The following RBFOX1 variants were observed in gnomAD, a reference collection of about 807,000 sequenced individuals.
The protein encoded by RBFOX1 is RNA binding protein fox-1 homolog 1.
In RBFOX1, 8 loss-of-function variants were observed where a neutral mutation model predicts 57.7. That is an observed-to-expected ratio of 0.14 (90% CI 0.08 to 0.25). RBFOX1 has a LOEUF of 0.25. Ranked by LOEUF, RBFOX1 falls within the 10% of genes least tolerant of loss-of-function variation. RBFOX1 has a pLI of 1.00. For synonymous variants in RBFOX1, 326 were observed against 222.4 expected (o/e 1.47, Z -4.15); for missense variants, 611 against 548.5 (o/e 1.11, Z -1.14).
intron 1 of RBFOX1, among the ~76,000 whole-genome samples, chr16:5,288,197 G>C (rs1162762344): frequency 3.3e-5 from 5 of 152,210 alleles, no homozygotes; most frequent in African/African-American, 4.8e-5. Flanking sequence ...AAGCAAATCA[G>C]TTGTAGATTT....
intron 1 of RBFOX1, among the ~76,000 whole-genome samples, chr16:6,255,023 A>G (rs1211394947): frequency 1.3e-5 from 2 of 151,130 alleles, no homozygotes; most frequent in African/African-American, 2.4e-5. Flanking sequence ...TCTTCCTTCC[A>G]TCTCTCCCAC....
At chr16:5,261,811 A>G (rs140343310) in intron 1 of RBFOX1, among the ~76,000 whole-genome samples, 1,547 of 152,250 alleles carry the variant, frequency 0.01, 20 homozygotes, top group African/African-American at 0.028. Flanking sequence ...GGGCCTCCCA[A>G]AATGCTGGGA....
chr16:6,257,563 C>A (rs980253814), intron 1 of RBFOX1, among the ~76,000 whole-genome samples: 1 of 152,128 alleles, frequency 6.6e-6, no homozygotes, highest in African/African-American at 2.4e-5. Flanking sequence ...TCCTGATCCT[C>A]TCCCACTTCC....
intron 4 of RBFOX1, among the ~76,000 whole-genome samples, chr16:7,243,627 A>G: frequency 6.6e-6 from 1 of 152,132 alleles, no homozygotes; most frequent in Non-Finnish European, 1.5e-5. Flanking sequence ...AGCTCACTAT[A>G]GCCTCAAATT....
chr16:7,132,514 G>A (rs992285666), intron 4 of RBFOX1, among the ~76,000 whole-genome samples: 1 of 147,200 alleles, frequency 6.8e-6, no homozygotes, highest in Non-Finnish European at 1.5e-5. Flanking sequence ...TAAGACAAAT[G>A]TATTCAGGTA....
chr16:6,782,513 G>A (rs998744612), intron 3 of RBFOX1, among the ~76,000 whole-genome samples: 2 of 151,954 alleles, frequency 1.3e-5, no homozygotes, highest in African/African-American at 4.8e-5. Flanking sequence ...AATCTTGGTA[G>A]GAATTTTATG....
intron 3 of RBFOX1, among the ~76,000 whole-genome samples, chr16:6,920,198 G>T (rs1173694662): frequency 6.6e-6 from 1 of 152,074 alleles, no homozygotes; most frequent in African/African-American, 2.4e-5. Flanking sequence ...ATTGAGTTTG[G>T]TTCCTTATTT....
intron 9 of RBFOX1, among the ~76,000 whole-genome samples, chr16:7,601,934 C>A (rs892338981): frequency 6.6e-6 from 1 of 152,162 alleles, no homozygotes; most frequent in South Asian, 2.1e-4. Flanking sequence ...GCGAACCTCA[C>A]TTCTTTTTGT....
intron 4 of RBFOX1, among the ~76,000 whole-genome samples, chr16:7,420,805 G>A (rs771578855): frequency 2.0e-5 from 3 of 149,052 alleles, no homozygotes; most frequent in Non-Finnish European, 3.0e-5. Flanking sequence ...TCTATAGCCT[G>A]TGGTACTGAG....
At chr16:5,465,388 T>C (rs2068921484) in intron 1 of RBFOX1, among the ~76,000 whole-genome samples, 1 of 152,096 alleles carries the variant, frequency 6.6e-6, no homozygotes, top group Non-Finnish European at 1.5e-5. Context: ...TCTTTAAAGG[T>C]CCTGTCTGCA....
chr16:5,876,871 T>C (rs1056981252), intron 4 of RBFOX1, among the ~76,000 whole-genome samples: 6 of 152,160 alleles, frequency 3.9e-5, no homozygotes, highest in African/African-American at 4.8e-5. Context: ...GTTTTATCAA[T>C]GGCAAAAGGA....
intron 1 of RBFOX1, among the ~76,000 whole-genome samples, chr16:5,262,387 A>G (rs927605918): frequency 7.9e-5 from 12 of 152,356 alleles, no homozygotes; most frequent in African/African-American, 2.4e-4. Flanking sequence ...GCCTCATCCA[A>G]TCCACTGAAG....
intron 3 of RBFOX1, among the ~76,000 whole-genome samples, chr16:6,996,197 G>A (rs185026690): frequency 2.0e-5 from 3 of 152,166 alleles, no homozygotes; most frequent in Admixed American, 2.0e-4. Context: ...TTGCCTTTTT[G>A]ATTTCCTAGC....
chr16:5,650,047 G>C (rs1177087769), intron 3 of RBFOX1, among the ~76,000 whole-genome samples: 1 of 152,210 alleles, frequency 6.6e-6, no homozygotes, highest in Non-Finnish European at 1.5e-5. Context: ...GGCCGTCTGG[G>C]CTGCTTAAGC....
chr16:7,101,584 A>C lies in RBFOX1; in HGVS notation c.27+49486A>C, dbSNP rs2062702165. Among the ~76,000 whole-genome samples the C allele has an allele frequency of 2.0e-5, 3 of 152,176 alleles. No individual in the cohort carries two copies. The South Asian group carries it at 6.2e-4, about 32-fold the overall frequency. ...ATATTGAACAGTGGTGCTTTTGGAA[A>C]AGATCATATGACAGCTATAAAGACT... is the stretch of plus-strand genomic sequence containing the variant. On this transcript the variant is annotated intron_variant, in intron 4 of 15. Transcript: ENST00000550418.
At chr16:7,544,657 A>G (rs1419492362) in intron 5 of RBFOX1, among the ~76,000 whole-genome samples, 2 of 152,116 alleles carry the variant, frequency 1.3e-5, no homozygotes, top group African/African-American at 4.8e-5. Flanking sequence ...TTTAGGCAAC[A>G]CCTTGATTTT....
chr16:7,422,400 G>C (rs1218871774), intron 4 of RBFOX1, among the ~76,000 whole-genome samples: 1 of 152,186 alleles, frequency 6.6e-6, no homozygotes, highest in Non-Finnish European at 1.5e-5. Flanking sequence ...ATGTCCGACA[G>C]GCAAGGGAGG....
At chr16:7,704,139 A>ATAAAAGCAGAACTCAAACCTGGATCTTTT (rs2081643398) in intron 14 of RBFOX1, among the ~76,000 whole-genome samples, 1 of 152,218 alleles carries the variant, frequency 6.6e-6, no homozygotes, top group Non-Finnish European at 1.5e-5. Flanking sequence ...CAAGGACATC[A>ATAAAAGCAGAACTCAAACCTGGATCTTTT]TAAAAGCAGA....
rs151034943 is a variant in RBFOX1, at chr16:6,232,618, A to G, written c.-126-84377A>G. Among the ~76,000 whole-genome samples, 8 of 152,326 alleles carry G rather than the reference A, an allele frequency of 5.3e-5. No homozygotes were observed. In the East Asian group the frequency reaches 1.4e-3, roughly 26 times the overall value. On this transcript the variant is annotated intron_variant, in intron 1 of 15. Coordinates refer to ENST00000550418, the MANE Select transcript of RBFOX1 (RefSeq NM_018723.4). ...TCCAGTTGTCTAGAAAAGTATTTCT[A>G]TAGTGTGAGCTTTAGAAACTAGGAA... is the stretch of plus-strand genomic sequence containing the variant.
Sources: gnomAD v4.1 joint callset for allele counts (sites outside exome capture counted in the v4.1 genomes callset) on GRCh38, gnomAD v4.1.1 for gene constraint, MANE v1.5 for transcripts, NCBI Gene and HGNC (gene_info 2026-07-23, HGNC 2026-07-21) for gene names.